The following ZMYND12 variants were observed in gnomAD, a reference collection of about 807,000 sequenced individuals.
The protein encoded by ZMYND12 is zinc finger MYND-type containing 12.
Under a neutral mutation model 41.7 loss-of-function variants are expected in ZMYND12, and 32 were observed. The ratio of observed to expected loss-of-function variants is 0.77; its 90% CI spans 0.58 to 1.03. The LOEUF (loss-of-function observed/expected upper bound fraction) is 1.03, where lower values mean the gene tolerates loss of function less well. ZMYND12 is among the 50% of genes least tolerant of loss of function. The probability of loss-of-function intolerance (pLI) is 0.00; values close to 1 mark genes in which losing one functional copy is unlikely to be tolerated. For missense variants in ZMYND12, 424 were observed against 438.5 expected (o/e 0.97, Z 0.30); for synonymous variants, 148 against 164.8 (o/e 0.90, Z 0.78).
chr1:42,452,413 A>C (rs1412099378), intron 1 of ZMYND12, among the ~76,000 whole-genome samples: 1 of 152,170 alleles, frequency 6.6e-6, no homozygotes, highest in Non-Finnish European at 1.5e-5. Flanking sequence ...CTTCCATAAA[A>C]TTACCTTTTC....
chr1:42,453,284 G>T (rs1183284674), intron 1 of ZMYND12, among the ~76,000 whole-genome samples: 1 of 152,132 alleles, frequency 6.6e-6, no homozygotes, highest in Non-Finnish European at 1.5e-5. Context: ...GGGCATAGAA[G>T]ATGATAATTT....
rs184146072 is a variant in ZMYND12, at chr1:42,438,575, C to T, written c.594+1281G>A. 2.0e-5 allele frequency among the ~76,000 whole-genome samples: 3 copies of T among 152,152 alleles called. No individual in the cohort carries two copies. The East Asian group carries it at 5.8e-4, about 29-fold the overall frequency. On this transcript the variant is annotated intron_variant, in intron 4 of 7. Transcript: ENST00000372565. ...TCAGTACCCCAGCCTTTTTCTCCTC[C>T]TACTCTCCACTCCCCTACTATGCCT... is the stretch of plus-strand genomic sequence containing the variant.
At chr1:42,431,207 T>A (rs1642845192) in intron 7 of ZMYND12, among the ~76,000 whole-genome samples, 1 of 152,166 alleles carries the variant, frequency 6.6e-6, no homozygotes, top group Non-Finnish European at 1.5e-5. Context: ...CACTCTGGGG[T>A]GGTCCTGGAG....
intron 3 of ZMYND12, among the ~76,000 whole-genome samples, chr1:42,444,236 G>A (rs1642999065): frequency 6.6e-6 from 1 of 152,102 alleles, no homozygotes; most frequent in South Asian, 2.1e-4. Flanking sequence ...CCAGGCAGAA[G>A]GAACCATATA....
chr1:42,447,968 T>C (rs762697520), intron 3 of ZMYND12, among the ~76,000 whole-genome samples: 29 of 152,310 alleles, frequency 1.9e-4, no homozygotes, highest in Non-Finnish European at 3.4e-4. Context: ...TACGAATTTG[T>C]ATTTGGAAAT....
chr1:42,448,506 G>A lies in ZMYND12; in HGVS notation c.385C>T (p.Leu129Phe), dbSNP rs1557770665. ...GCCAACAGCAGGTAAGCAGGCACAA[G>A]CTCTACGGAGCTCAGGCCATACAGC... ...VKLYGLSSVE[L>F]VPAYLLLAEA... is the part of the protein sequence containing the mutation. Residue 129 changes from leucine to phenylalanine, a missense_variant, in exon 3 of 8, where the codon CTT (leucine) becomes TTT (phenylalanine). Physicochemically the swap from Leu to Phe is conservative, Grantham distance 22. Transcript: ENST00000372565. The A allele has an allele frequency of 6.2e-7, 1 of 1,609,762 alleles. No homozygotes were observed. Among genetic ancestry groups the A allele is most frequent in the East Asian group, 2.2e-5 (1 of 44,576 alleles).
intron 1 of ZMYND12, among the ~76,000 whole-genome samples, chr1:42,454,499 T>G (rs566883563): frequency 6.6e-6 from 1 of 152,220 alleles, no homozygotes; most frequent in African/African-American, 2.4e-5. Flanking sequence ...TGATCTGTTA[T>G]GCAGCCGTCA....
At chr1:42,452,221 G>A (rs990995948) in intron 1 of ZMYND12, among the ~76,000 whole-genome samples, 12 of 151,982 alleles carry the variant, frequency 7.9e-5, no homozygotes, top group South Asian at 4.1e-4. Context: ...CATATGAAGC[G>A]CAAATTTAAA....
At chr1:42,439,724 A>G in intron 4 of ZMYND12, 132 bp downstream of exon 4, 1 of 968,906 alleles carries the variant, frequency 1.0e-6, no homozygotes, top group Non-Finnish European at 1.5e-6. Context: ...ACATCCCACC[A>G]AATAATCAGT....
chr1:42,432,376 C>T (rs1642862930), intron 7 of ZMYND12, among the ~76,000 whole-genome samples: 1 of 152,080 alleles, frequency 6.6e-6, no homozygotes. Flanking sequence ...TTCTTTATAA[C>T]AGTTTCTACT....
intron 3 of ZMYND12, among the ~76,000 whole-genome samples, chr1:42,442,370 A>T (rs1642980381): frequency 6.6e-6 from 1 of 152,186 alleles, no homozygotes; most frequent in Non-Finnish European, 1.5e-5. Context: ...AAGAGACAGG[A>T]AGTAAAATGG....
In ZMYND12 at chr1:42,440,252, GCATCTCCATCTC is replaced by G. The variant is rs369299758; in HGVS notation, c.425-239_425-228del. Among the ~76,000 whole-genome samples, 21 of 151,322 alleles carry G rather than the reference GCATCTCCATCTC, an allele frequency of 1.4e-4. No homozygotes were observed. In the East Asian group the frequency reaches 1.9e-3, roughly 14 times the overall value. On this transcript the variant is annotated intron_variant, in intron 3 of 7. Transcript: ENST00000372565. ...CTGATGAGTGGATGAACAAAAGGAG[GCATCTCCATCTC>G]CATCTCCATCTCCATCTCCATGAGT...
intron 2 of ZMYND12, 110 bp from the exon 3 acceptor site, chr1:42,448,748 A>AC: frequency 1.8e-6 from 2 of 1,085,466 alleles, no homozygotes; most frequent in Non-Finnish European, 2.6e-6. Context: ...TTAAAGGCAC[A>AC]TAGTGAGCCT....
intron 4 of ZMYND12, among the ~76,000 whole-genome samples, chr1:42,439,277 T>C (rs1642940767): frequency 6.6e-6 from 1 of 151,840 alleles, no homozygotes; most frequent in Admixed American, 6.6e-5. Context: ...CTCTCTTTTT[T>C]TTTTTTTGAG....
rs535942257 is a variant in ZMYND12 at position 42,435,199 on chromosome 1, C to T, written c.829+75G>A. The T allele has an allele frequency of 5.0e-5, 58 of 1,164,778 alleles. No homozygotes were observed. The African/African-American group carries it at 7.4e-4, about 15-fold the overall frequency. 72.2% of individuals were successfully genotyped at this position (1,164,778 alleles called of 1,614,324 possible). On this transcript the variant is annotated intron_variant, in intron 6 of 7. Coordinates refer to ENST00000372565, the MANE Select transcript of ZMYND12 (RefSeq NM_032257.5). ...GCTTCATGACAGGGACAGCTGCTTTCCCTCTTAGGGACAAGGTCTGTGTAT... is the reference window on the plus strand; with the variant it reads ...GCTTCATGACAGGGACAGCTGCTTTTCCTCTTAGGGACAAGGTCTGTGTAT...
chr1:42,437,030 GA>G (rs1244858194), intron 4 of ZMYND12, among the ~76,000 whole-genome samples: 2 of 152,072 alleles, frequency 1.3e-5, no homozygotes, highest in Non-Finnish European at 2.9e-5. Context: ...ACAAAACATA[GA>G]AACAACCAAA....
At chr1:42,433,915 C>T (rs957543403) in intron 6 of ZMYND12, among the ~76,000 whole-genome samples, 4 of 149,684 alleles carry the variant, frequency 2.7e-5, no homozygotes, top group Admixed American at 2.0e-4. Context: ...AGGATATACA[C>T]CATCATGTTA....
At chr1:42,449,844 A>G (rs1643063934) in intron 2 of ZMYND12, 74 bp downstream of exon 2, 2 of 1,574,802 alleles carry the variant, frequency 1.3e-6, no homozygotes, top group East Asian at 2.2e-5. Context: ...AGTGATCCCA[A>G]CACAGTTCGA....
chr1:42,453,379 T>G (rs548652434), intron 1 of ZMYND12, among the ~76,000 whole-genome samples: 1 of 152,276 alleles, frequency 6.6e-6, no homozygotes, highest in East Asian at 1.9e-4. Context: ...AAAGCACAAG[T>G]GCCAACTATT....
Sources: allele counts gnomAD v4.1 joint callset (sites outside exome capture counted in the v4.1 genomes callset), GRCh38; gene constraint gnomAD v4.1.1; transcripts MANE v1.5; gene names NCBI Gene and HGNC (gene_info 2026-07-23, HGNC 2026-07-21).